Variants in ATG4C observed in about 807,000 individuals in gnomAD.
ATG4C encodes the protein autophagy related 4C cysteine peptidase.
In ATG4C, 56 loss-of-function variants were observed where a neutral mutation model predicts 57.6. The observed-to-expected ratio is 0.97, with a 90% CI of 0.78 to 1.21. ATG4C has a LOEUF of 1.21. ATG4C is among the 50% of genes most tolerant of loss of function. The pLI, the probability that ATG4C is intolerant of heterozygous loss-of-function variation, is 0.00. For missense variants in ATG4C, 595 were observed against 529.8 expected (o/e 1.12, Z -1.21); for synonymous variants, 157 against 174.1 (o/e 0.90, Z 0.78).
chr1:62,792,889 A>ATTT (rs11415231), intron 1 of ATG4C, among the ~76,000 whole-genome samples: 1 of 144,910 alleles, frequency 6.9e-6, no homozygotes. Context: ...GGTGGTAGTG[A>ATTT]TTTTTTTTTT....
At chr1:62,813,693 C>T (rs1192175106) in intron 3 of ATG4C, among the ~76,000 whole-genome samples, 1 of 152,122 alleles carries the variant, frequency 6.6e-6, no homozygotes, top group Admixed American at 6.5e-5. Flanking sequence ...TTTTTGCAAT[C>T]TCTCCATCTG....
chr1:62,847,509 G>A (rs1336437268), intron 10 of ATG4C, among the ~76,000 whole-genome samples: 10 of 152,240 alleles, frequency 6.6e-5, no homozygotes, highest in South Asian at 2.1e-4. Flanking sequence ...TGCAAAAAAC[G>A]TTTAATAGTA....
Position 62,805,263 on chromosome 1 carries a change from C to G in ATG4C, c.160+8C>G. On this transcript the variant is annotated splice_region_variant and intron_variant, in intron 3 of 10. Coordinates refer to ENST00000317868, the MANE Select transcript of ATG4C (RefSeq NM_032852.4). Reference sequence around the variant, plus strand: ...ACCATTTTAAATATGAAGGTAAGTACAAAATTTGTAAACCATTTAAAAATT... The same window carrying G: ...ACCATTTTAAATATGAAGGTAAGTAGAAAATTTGTAAACCATTTAAAAATT... 6.7e-7 allele frequency: 1 copy of G among 1,487,766 alleles called. No homozygotes were observed. The highest frequency in any genetic ancestry group is 8.9e-7 in the Non-Finnish European group (1 of 1,128,136). The allele number at this position is 1,487,766 out of a possible 1,614,324, so 92.2% of individuals were successfully genotyped here.
intron 9 of ATG4C, among the ~76,000 whole-genome samples, chr1:62,840,503 A>G (rs1298192191): frequency 6.6e-6 from 1 of 152,182 alleles, no homozygotes; most frequent in Non-Finnish European, 1.5e-5. Flanking sequence ...TTTTCTACAT[A>G]CAGAAAAAGA....
At chr1:62,785,327 A>G (rs1046739912) in intron 1 of ATG4C, 8 of 152,206 alleles carry the variant, frequency 5.3e-5, no homozygotes, top group Non-Finnish European at 7.4e-5. Flanking sequence ...AAGAGTTTCT[A>G]TTTAGTCCAA....
chr1:62,812,437 T>G (rs947471470), intron 3 of ATG4C, among the ~76,000 whole-genome samples: 4 of 152,084 alleles, frequency 2.6e-5, no homozygotes, highest in African/African-American at 9.7e-5. Context: ...CATGGTAAAA[T>G]CTCTTAATAA....
At chr1:62,816,492 A>G (rs906373463) in intron 3 of ATG4C, 83 bp from the exon 4 acceptor site, 2 of 872,148 alleles carry the variant, frequency 2.3e-6, no homozygotes, top group African/African-American at 1.7e-5. Flanking sequence ...GACATACTTC[A>G]CATCTTAAGA....
intron 6 of ATG4C, among the ~76,000 whole-genome samples, chr1:62,821,675 ACT>A (rs1216094030): frequency 6.6e-6 from 1 of 151,916 alleles, no homozygotes; most frequent in African/African-American, 2.4e-5. Flanking sequence ...TTTGATGATC[ACT>A]CTCTATACAG....
chr1:62,859,404 AAC>A (rs1479719158), intron 10 of ATG4C, among the ~76,000 whole-genome samples: 9 of 152,226 alleles, frequency 5.9e-5, no homozygotes, highest in Non-Finnish European at 1.2e-4. Context: ...AGGCAATTAT[AAC>A]ACAATGGTAA....
intron 4 of ATG4C, among the ~76,000 whole-genome samples, chr1:62,817,334 C>T (rs7539616): frequency 0.23 from 34,793 of 152,056 alleles, 4,439 homozygotes; most frequent in East Asian, 0.53. Flanking sequence ...ATCAATTAGA[C>T]ATACTCTTTC....
At chr1:62,800,241 T>C (rs879153668) in intron 1 of ATG4C, among the ~76,000 whole-genome samples, 1 of 152,192 alleles carries the variant, frequency 6.6e-6, no homozygotes, top group African/African-American at 2.4e-5. Context: ...ATACTCTCAT[T>C]AAAAAATTTT....
intron 10 of ATG4C, among the ~76,000 whole-genome samples, chr1:62,861,553 G>C (rs530687446): frequency 1.3e-5 from 2 of 148,968 alleles, no homozygotes; most frequent in African/African-American, 5.0e-5. Flanking sequence ...GTATGTTTCA[G>C]AAGAAAGAAG....
chr1:62,864,981 T>C lies in ATG4C; in HGVS notation c.*822T>C, dbSNP rs1299637415. 1 of 151,906 alleles carries C rather than the reference T, an allele frequency of 6.6e-6. No individual in the cohort carries two copies. Among genetic ancestry groups the C allele is most frequent in the African/African-American group, 2.4e-5 (1 of 41,442 alleles). 9.4% of individuals were successfully genotyped at this position (151,906 alleles called of 1,614,324 possible). On this transcript the variant is annotated 3_prime_UTR_variant, in exon 11 of 11. Coordinates refer to ENST00000317868, the MANE Select transcript of ATG4C (RefSeq NM_032852.4). ...TGTCACTAGATTCTCTTCTATGTGA[T>C]TTTTGTTTTTTATATAAAGCAGTGT...
At chr1:62,848,588 T>G (rs1017254362) in intron 10 of ATG4C, among the ~76,000 whole-genome samples, 6 of 152,170 alleles carry the variant, frequency 3.9e-5, no homozygotes, top group Non-Finnish European at 8.8e-5. Flanking sequence ...TGCAAATAAT[T>G]TTTTTTCCTG....
chr1:62,860,811 C>T (rs1418135363), intron 10 of ATG4C, among the ~76,000 whole-genome samples: 1 of 152,132 alleles, frequency 6.6e-6, no homozygotes, highest in Non-Finnish European at 1.5e-5. Context: ...CTGCCCTGTA[C>T]TGGGGAATAA....
chr1:62,841,863 A>G (rs536443146), intron 10 of ATG4C, among the ~76,000 whole-genome samples: 5 of 152,384 alleles, frequency 3.3e-5, no homozygotes, highest in African/African-American at 9.6e-5. Context: ...TAAAAGGGCA[A>G]TCCCTTAGGG....
At chr1:62,800,508 G>A (rs1664623358) in intron 1 of ATG4C, among the ~76,000 whole-genome samples, 1 of 152,082 alleles carries the variant, frequency 6.6e-6, no homozygotes, top group Admixed American at 6.5e-5. Flanking sequence ...CCCCATTTTA[G>A]GAGACATTTT....
intron 1 of ATG4C, among the ~76,000 whole-genome samples, chr1:62,787,285 G>C (rs923201576): frequency 1.3e-5 from 2 of 152,034 alleles, no homozygotes; most frequent in Non-Finnish European, 2.9e-5. Context: ...CAGGGGTGGG[G>C]TTCTACATGA....
intron 10 of ATG4C, among the ~76,000 whole-genome samples, chr1:62,845,663 A>G (rs1666305823): frequency 6.6e-6 from 1 of 152,002 alleles, no homozygotes; most frequent in Admixed American, 6.6e-5. Flanking sequence ...CAGAAGTTTT[A>G]TGTTTCACAT....
Sources: gnomAD v4.1 joint callset for allele counts (sites outside exome capture counted in the v4.1 genomes callset) on GRCh38, gnomAD v4.1.1 for gene constraint, MANE v1.5 for transcripts, NCBI Gene and HGNC (gene_info 2026-07-23, HGNC 2026-07-21) for gene names.